NRG1: variants seen among roughly 807,000 people sequenced by gnomAD.
NRG1 encodes pro-neuregulin-1, membrane-bound isoform.
A neutral mutation model predicts 63.8 loss-of-function variants in NRG1; 18 were observed. The ratio of observed to expected loss-of-function variants is 0.28; its 90% CI spans 0.19 to 0.42. The LOEUF (loss-of-function observed/expected upper bound fraction) is 0.42. Ranked by LOEUF, NRG1 falls within the 10% of genes least tolerant of loss-of-function variation. The probability of loss-of-function intolerance (pLI) is 1.00; values close to 1 mark genes in which losing one functional copy is unlikely to be tolerated. For synonymous variants in NRG1, 302 were observed against 301.3 expected (o/e 1.00, Z -0.02); for missense variants, 762 against 814.7 (o/e 0.94, Z 0.79).
chr8:31,878,798 G>A (rs915421301), intron 1 of NRG1, among the ~76,000 whole-genome samples: 2 of 152,112 alleles, frequency 1.3e-5, no homozygotes, highest in Non-Finnish European at 2.9e-5. Context: ...TAAAGGCTTC[G>A]CTTACTTCCT....
At chr8:32,717,862 T>C (rs1031506436) in intron 5 of NRG1, among the ~76,000 whole-genome samples, 1 of 152,178 alleles carries the variant, frequency 6.6e-6, no homozygotes, top group Non-Finnish European at 1.5e-5. Flanking sequence ...TGTGTCTAAA[T>C]CCTAGAACCC....
intron 5 of NRG1, among the ~76,000 whole-genome samples, chr8:32,727,118 A>G (rs1822408577): frequency 6.6e-6 from 1 of 152,114 alleles, no homozygotes; most frequent in Non-Finnish European, 1.5e-5. Context: ...TGGGGCTGAG[A>G]GCTTTGGCTT....
intron 1 of NRG1, among the ~76,000 whole-genome samples, chr8:32,527,856 A>G (rs1831029515): frequency 6.6e-6 from 1 of 152,004 alleles, no homozygotes; most frequent in African/African-American, 2.4e-5. Context: ...TTCACACCCC[A>G]CATACACTTC....
Position 32,279,707 on chromosome 8 carries a change from G to T in NRG1, c.38-316121G>T, listed in dbSNP as rs532413949. Among the ~76,000 whole-genome samples the T allele has an allele frequency of 3.3e-5, 5 of 152,306 alleles. No individual in the cohort carries two copies. In the South Asian group the frequency reaches 6.2e-4, roughly 19 times the overall value. Reference sequence around the variant, plus strand: ...TATCACAATGTTAGTAAGTGGTAGAGGTATAATTTGGATTTTATTTGAATT... The same window carrying T: ...TATCACAATGTTAGTAAGTGGTAGATGTATAATTTGGATTTTATTTGAATT... On this transcript the variant is annotated intron_variant, in intron 1 of 10. Transcript: ENST00000519301.
intron 1 of NRG1, among the ~76,000 whole-genome samples, chr8:32,140,898 G>T (rs988344786): frequency 6.6e-6 from 1 of 151,866 alleles, no homozygotes; most frequent in Non-Finnish European, 1.5e-5. Context: ...CTTACATTCT[G>T]ATTTGTACTG....
intron 1 of NRG1, among the ~76,000 whole-genome samples, chr8:31,952,056 T>C (rs1425497075): frequency 6.6e-6 from 1 of 152,196 alleles, no homozygotes. Context: ...AGAATCTAAG[T>C]TGATATTGCG....
At chr8:31,916,783 G>C (rs1033710388) in intron 1 of NRG1, among the ~76,000 whole-genome samples, 6 of 151,928 alleles carry the variant, frequency 3.9e-5, no homozygotes, top group Non-Finnish European at 8.8e-5. Context: ...TCGCCACACT[G>C]ACTTCCACAA....
chr8:31,893,277 G>T (rs533001647), intron 1 of NRG1, among the ~76,000 whole-genome samples: 2 of 151,224 alleles, frequency 1.3e-5, no homozygotes, highest in African/African-American at 4.8e-5. Flanking sequence ...ACCATTTGTT[G>T]CACTATACAC....
intron 1 of NRG1, among the ~76,000 whole-genome samples, chr8:31,946,006 C>T (rs1563601020): frequency 6.6e-6 from 1 of 152,178 alleles, no homozygotes; most frequent in Admixed American, 6.5e-5. Flanking sequence ...GGGCTGCCCC[C>T]ACAACTCGAT....
chr8:32,476,897 G>A (rs1440994714), intron 1 of NRG1, among the ~76,000 whole-genome samples: 2 of 152,156 alleles, frequency 1.3e-5, no homozygotes, highest in Non-Finnish European at 2.9e-5. Context: ...GTGCACTAAA[G>A]CATTCAGATC....
At chr8:32,383,514 C>G (rs1348344897) in intron 1 of NRG1, among the ~76,000 whole-genome samples, 2 of 152,140 alleles carry the variant, frequency 1.3e-5, no homozygotes, top group Non-Finnish European at 2.9e-5. Flanking sequence ...GAACCTAACA[C>G]CCTGAAATTT....
chr8:31,640,650 C>T lies in NRG1; in HGVS notation c.37+1219C>T. On this transcript the variant is annotated intron_variant, in intron 1 of 10. Transcript: ENST00000519301. This position sits in a 1 kb window ranked among gnomAD's most constrained non-coding sequence, Gnocchi z 6.3. ...ACAGCACCAGCCGCGCGCCGGCCGC[C>T]TTCCGAGCCTCTTTCCCCCCTCTGG... 2 of 1,608,624 alleles carry T rather than the reference C, an allele frequency of 1.2e-6. No individual in the cohort carries two copies. The highest frequency in any genetic ancestry group is 8.5e-7 in the Non-Finnish European group (1 of 1,178,524).
intron 1 of NRG1, among the ~76,000 whole-genome samples, chr8:32,018,918 C>T (rs1408825037): frequency 6.6e-6 from 1 of 152,186 alleles, no homozygotes; most frequent in African/African-American, 2.4e-5. Flanking sequence ...TAATTTTAGC[C>T]ATTCTAGTGG....
At chr8:32,298,683 C>T (rs1176291014) in intron 1 of NRG1, among the ~76,000 whole-genome samples, 1 of 142,722 alleles carries the variant, frequency 7.0e-6, no homozygotes, top group African/African-American at 2.6e-5. Context: ...CATTGCACTC[C>T]ATCCTGGGCA....
chr8:32,225,395 C>A (rs919773777), intron 1 of NRG1, among the ~76,000 whole-genome samples: 1 of 152,178 alleles, frequency 6.6e-6, no homozygotes, highest in African/African-American at 2.4e-5. Flanking sequence ...GTGTCCCCAC[C>A]ACCAGAGTTT....
chr8:32,531,917 A>T (rs1215716087), intron 1 of NRG1, among the ~76,000 whole-genome samples: 1 of 152,202 alleles, frequency 6.6e-6, no homozygotes, highest in African/African-American at 2.4e-5. Context: ...ATATGACTAG[A>T]ATAACTGCAA....
chr8:32,321,730 A>C (rs533383174), intron 1 of NRG1, among the ~76,000 whole-genome samples: 3 of 152,084 alleles, frequency 2.0e-5, no homozygotes, highest in Non-Finnish European at 4.4e-5. Context: ...TTCACAAATA[A>C]ATCCATATTA....
At chr8:32,770,850 A>G (rs1831736455), downstream of NRG1, among the ~76,000 whole-genome samples, 1 of 152,178 alleles carries the variant, frequency 6.6e-6, no homozygotes. Context: ...GAAAGTGTCT[A>G]ACACATAGCG....
chr8:31,771,677 T>C (rs1417222644), intron 1 of NRG1, among the ~76,000 whole-genome samples: 2 of 151,974 alleles, frequency 1.3e-5, no homozygotes, highest in Non-Finnish European at 2.9e-5. Context: ...TCATGAGGAG[T>C]GCCCAAGTTC....
Sources: allele counts gnomAD v4.1 joint callset (sites outside exome capture counted in the v4.1 genomes callset), GRCh38; gene constraint gnomAD v4.1.1; non-coding constraint Gnocchi (gnomAD v3.1); transcripts MANE v1.5; gene names NCBI Gene and HGNC (gene_info 2026-07-23, HGNC 2026-07-21).